Variants in SORCS3 observed in about 807,000 individuals in gnomAD.
The protein encoded by SORCS3 is sortilin related VPS10 domain containing receptor 3.
SORCS3 carries 57 observed loss-of-function variants against 146.3 expected under a neutral mutation model. The ratio of observed to expected loss-of-function variants is 0.39; its 90% CI spans 0.31 to 0.49. SORCS3 has a LOEUF of 0.49. Among genes scored for constraint, SORCS3 ranks in the 20% least tolerant of loss-of-function variants. The pLI is 0.92. For missense variants in SORCS3, 1,341 were observed against 1,575.5 expected (o/e 0.85, Z 2.52); for synonymous variants, 653 against 618.5 (o/e 1.06, Z -0.83).
chr10:104,887,174 T>C (rs1162421382), intron 2 of SORCS3, among the ~76,000 whole-genome samples: 1 of 152,328 alleles, frequency 6.6e-6, no homozygotes, highest in African/African-American at 2.4e-5. Flanking sequence ...GCATAGACAC[T>C]TTGCAGTTCA....
rs71482443 is a variant in SORCS3, at chr10:105,016,155, A to ATATATATATATATATATTT, written c.955-26899_955-26898insATATATATATATATATTTT. ...TATAAATATATATATATATATATAT[A>ATATATATATATATATATTT]TTTTTTTTTTTTTTTGAGATGGAGT... is the stretch of plus-strand genomic sequence containing the variant. On this transcript the variant is annotated intron_variant, in intron 4 of 26. Coordinates refer to ENST00000369701, the MANE Select transcript of SORCS3 (RefSeq NM_014978.3). Among the ~76,000 whole-genome samples, 38 of 101,308 alleles carry ATATATATATATATATATTT rather than the reference A, an allele frequency of 3.8e-4. 1 individual carries two copies. The highest frequency in any genetic ancestry group is 1.7e-3 in the African/African-American group (36 of 20,666). The allele number at this position is 101,308 out of a possible 152,430, so 66.5% of individuals were successfully genotyped here. A position where few individuals can be genotyped will look rare whatever the true frequency, so the allele number is the denominator to read the frequency against.
intron 3 of SORCS3, among the ~76,000 whole-genome samples, chr10:104,975,660 A>G (rs1027413739): frequency 2.0e-3 from 302 of 152,356 alleles, no homozygotes; most frequent in Middle Eastern, 3.4e-3. Flanking sequence ...ACTTCAAACT[A>G]TACTACAAGG....
intron 4 of SORCS3, among the ~76,000 whole-genome samples, chr10:105,038,056 G>A (rs145551707): frequency 2.8e-4 from 43 of 152,262 alleles, no homozygotes; most frequent in Middle Eastern, 3.4e-3. Context: ...CTCTGTGTTT[G>A]TTGCTGCTGA....
chr10:104,901,087 T>C (rs1290243035), intron 2 of SORCS3, among the ~76,000 whole-genome samples: 1 of 152,216 alleles, frequency 6.6e-6, no homozygotes, highest in East Asian at 1.9e-4. Context: ...TACTTTGAGC[T>C]CCTCTATCAC....
chr10:104,695,897 G>A (rs2016169327), intron 1 of SORCS3, among the ~76,000 whole-genome samples: 1 of 148,092 alleles, frequency 6.8e-6, no homozygotes, highest in African/African-American at 2.5e-5. Context: ...AACAGCTTAA[G>A]TGTCCAATGG....
intron 4 of SORCS3, among the ~76,000 whole-genome samples, chr10:105,000,156 A>G (rs2055052483): frequency 6.6e-6 from 1 of 152,136 alleles, no homozygotes. Context: ...AGAATCCTAG[A>G]ACCAATATTT....
chr10:104,859,789 G>C (rs561223361), intron 2 of SORCS3, among the ~76,000 whole-genome samples: 2,093 of 151,754 alleles, frequency 0.014, 27 homozygotes, highest in Non-Finnish European at 0.022. Context: ...AAAAGAAGAC[G>C]TTTATGCAGC....
intron 2 of SORCS3, among the ~76,000 whole-genome samples, chr10:104,903,942 T>G (rs1047724380): frequency 2.6e-5 from 4 of 152,210 alleles, no homozygotes; most frequent in Non-Finnish European, 4.4e-5. Flanking sequence ...TTTTGGAAAC[T>G]ATAGTTTTTT....
chr10:105,145,456 C>G (rs1589654402), intron 8 of SORCS3, among the ~76,000 whole-genome samples: 2 of 152,124 alleles, frequency 1.3e-5, no homozygotes, highest in East Asian at 3.9e-4. Flanking sequence ...CCTGACCATG[C>G]CCTGGTGTTT....
intron 1 of SORCS3, among the ~76,000 whole-genome samples, chr10:104,716,904 G>T (rs1265557417): frequency 6.6e-6 from 1 of 152,320 alleles, no homozygotes; most frequent in East Asian, 1.9e-4. Context: ...CTGGAAGAGA[G>T]AAAGCACTTG....
intron 1 of SORCS3, among the ~76,000 whole-genome samples, chr10:104,806,789 G>A (rs2017683769): frequency 1.3e-5 from 2 of 152,184 alleles, no homozygotes; most frequent in Admixed American, 1.3e-4. Context: ...CATAAAGATA[G>A]GAACAGTTGT....
chr10:104,813,434 T>G (rs1379672967), intron 1 of SORCS3, among the ~76,000 whole-genome samples: 1 of 152,220 alleles, frequency 6.6e-6, no homozygotes, highest in Non-Finnish European at 1.5e-5. Context: ...AGGGCTGGCC[T>G]GTTTTATGTA....
At chr10:105,240,540 C>G (rs2056816205) in intron 20 of SORCS3, among the ~76,000 whole-genome samples, 1 of 152,164 alleles carries the variant, frequency 6.6e-6, no homozygotes, top group South Asian at 2.1e-4. Flanking sequence ...TGCATACATC[C>G]ATTAGTCTAT....
At chr10:104,868,807 A>T (rs989361488) in intron 2 of SORCS3, among the ~76,000 whole-genome samples, 3 of 152,188 alleles carry the variant, frequency 2.0e-5, no homozygotes, top group Non-Finnish European at 2.9e-5. Context: ...AGCCAATCTC[A>T]TTATATTTGT....
At chr10:105,173,456 T>C (rs2056376346) in intron 13 of SORCS3, among the ~76,000 whole-genome samples, 1 of 152,230 alleles carries the variant, frequency 6.6e-6, no homozygotes, top group Non-Finnish European at 1.5e-5. Context: ...AACCTCTATA[T>C]ATTTTGTTAC....
chr10:104,830,057 C>T (rs1034612878), intron 1 of SORCS3, among the ~76,000 whole-genome samples: 2 of 152,046 alleles, frequency 1.3e-5, no homozygotes, highest in Non-Finnish European at 2.9e-5. Flanking sequence ...TGCCTAGCCC[C>T]CCAACCCCCG....
At chr10:104,857,585 G>C (rs189371890) in intron 2 of SORCS3, among the ~76,000 whole-genome samples, 1 of 152,162 alleles carries the variant, frequency 6.6e-6, no homozygotes, top group African/African-American at 2.4e-5. Context: ...AATGAGGAAG[G>C]CAGGAAGTCA....
At chr10:104,992,734 A>G (rs1444842744) in intron 4 of SORCS3, among the ~76,000 whole-genome samples, 2 of 152,138 alleles carry the variant, frequency 1.3e-5, no homozygotes, top group Non-Finnish European at 2.9e-5. Flanking sequence ...TTACTTCCCC[A>G]CTTCATCTAG....
At chr10:104,902,795 T>TA (rs1364891629) in intron 2 of SORCS3, among the ~76,000 whole-genome samples, 1 of 152,200 alleles carries the variant, frequency 6.6e-6, no homozygotes, top group Non-Finnish European at 1.5e-5. Flanking sequence ...TGATGGCAAC[T>TA]ATTATGCCCA....
Sources: allele counts gnomAD v4.1 joint callset (sites outside exome capture counted in the v4.1 genomes callset), GRCh38; gene constraint gnomAD v4.1.1; transcripts MANE v1.5; gene names NCBI Gene and HGNC (gene_info 2026-07-23, HGNC 2026-07-21).